The following SLC37A3 variants were observed in gnomAD, a reference collection of about 807,000 sequenced individuals.
SLC37A3 encodes sugar phosphate exchanger 3.
Under a neutral mutation model 67.1 loss-of-function variants are expected in SLC37A3, and 51 were observed. That is an observed-to-expected ratio of 0.76 (90% confidence interval 0.61 to 0.96). The LOEUF (loss-of-function observed/expected upper bound fraction) is 0.96. Among genes scored for constraint, SLC37A3 ranks in the 40% least tolerant of loss-of-function variants. The probability of loss-of-function intolerance (pLI) is 0.00; values close to 1 mark genes in which losing one functional copy is unlikely to be tolerated. For synonymous variants in SLC37A3, 214 were observed against 231.4 expected, an observed-to-expected ratio of 0.92 and a Z score of 0.68; for missense variants, 508 against 603.0, an observed-to-expected ratio of 0.84 and a Z score of 1.65.
At chr7:140,364,063 C>T (rs981058875) in intron 5 of SLC37A3, among the ~76,000 whole-genome samples, 1 of 152,140 alleles carries the variant, frequency 6.6e-6, no homozygotes. Flanking sequence ...TAAGACTGGC[C>T]AACATGGTGA....
At chr7:140,396,025 T>A (rs1216729591) in intron 1 of SLC37A3, among the ~76,000 whole-genome samples, 1 of 152,138 alleles carries the variant, frequency 6.6e-6, no homozygotes, top group Non-Finnish European at 1.5e-5. Flanking sequence ...TATCTTTTTT[T>A]TTTTTTCAGA....
chr7:140,382,839 G>GA lies in SLC37A3; in HGVS notation c.-70-244dup, dbSNP rs569246709. On this transcript the variant is annotated intron_variant, in intron 1 of 14. Coordinates refer to ENST00000326232, the MANE Select transcript of SLC37A3 (RefSeq NM_207113.3). Reference sequence around the variant, plus strand: ...AGAAAGAGCTCATACAAACTGATAAGAAAATCACTCATTCTTATAGAAAAA... The same window carrying GA: ...AGAAAGAGCTCATACAAACTGATAAGAAAAATCACTCATTCTTATAGAAAAA... Among the ~76,000 whole-genome samples, 370 of 149,390 alleles carry GA rather than the reference G, an allele frequency of 2.5e-3. 3 individuals are homozygous for GA. The highest frequency in any genetic ancestry group is 2.7e-3 in the Non-Finnish European group (183 of 67,526).
Position 140,335,379 on chromosome 7 carries a change from C to G in SLC37A3, c.*33G>C, listed in dbSNP as rs374923308. ...CGAAGCCCCAGCGGTCCTGATGTGG[C>G]TGACATTGTTCTTTCTGTCTCGCGG... On this transcript the variant is annotated 3_prime_UTR_variant, in exon 15 of 15. Transcript: ENST00000326232. 1 of 1,614,190 alleles carries G rather than the reference C, an allele frequency of 6.2e-7. No individual in the cohort carries two copies. Among genetic ancestry groups the G allele is most frequent in the Middle Eastern group, 1.6e-4 (1 of 6,062 alleles).
At chr7:140,336,677 G>A (rs1273909651) in intron 14 of SLC37A3, among the ~76,000 whole-genome samples, 1 of 152,166 alleles carries the variant, frequency 6.6e-6, no homozygotes. Context: ...GGGTAGCCTA[G>A]AAGAGTATAC....
chr7:140,362,906 G>C lies in SLC37A3; in HGVS notation c.375+1502C>G, dbSNP rs1370243721. 2.5e-4 allele frequency among the ~76,000 whole-genome samples: 16 copies of C among 63,990 alleles called. 5 individuals carry two copies. The highest frequency in any genetic ancestry group is 6.9e-5 in the Non-Finnish European group (2 of 29,148). The allele number at this position is 63,990 out of a possible 152,430, so 42.0% of individuals were successfully genotyped here. A position where few individuals can be genotyped will look rare whatever the true frequency, so the allele number is the denominator to read the frequency against. ...CGCCCCGTCCGGGAGGGAGGCGGGG[G>C]GGGGGGTCGGCCAGCCGCCCTGTCC... is the stretch of plus-strand genomic sequence containing the variant. On this transcript the variant is annotated intron_variant, in intron 5 of 14. Coordinates refer to ENST00000326232, the MANE Select transcript of SLC37A3 (RefSeq NM_207113.3).
chr7:140,356,203 A>AAC lies in SLC37A3; in HGVS notation c.522-440_522-439insGT, dbSNP rs1028472086. On this transcript the variant is annotated intron_variant, in intron 6 of 14. Transcript: ENST00000326232. ...AGCGAGACTCCACCTCCCAAAAAAAAAAAACAAAACAAAAAAATCCAGAAT... is the reference window on the plus strand; with the variant it reads ...AGCGAGACTCCACCTCCCAAAAAAAAACAAAACAAAACAAAAAAATCCAGAAT... Among the ~76,000 whole-genome samples the AAC allele has an allele frequency of 1.1e-4, 17 of 151,696 alleles. No homozygotes were observed. In the South Asian group the frequency reaches 2.3e-3, roughly 20 times the overall value.
At chr7:140,355,475 A>G (rs1454740623) in intron 7 of SLC37A3, among the ~76,000 whole-genome samples, 193 bp downstream of exon 7, 1 of 152,152 alleles carries the variant, frequency 6.6e-6, no homozygotes, top group Admixed American at 6.5e-5. Flanking sequence ...TGGCCTCCCA[A>G]AGTGCTGGGG....
chr7:140,352,897 G>A (rs1356443904), intron 7 of SLC37A3, among the ~76,000 whole-genome samples: 4 of 152,108 alleles, frequency 2.6e-5, no homozygotes, highest in Admixed American at 1.3e-4. Context: ...TTTTTAAACC[G>A]ATGAGTGACA....
chr7:140,355,203 C>CT (rs36028664), intron 7 of SLC37A3, among the ~76,000 whole-genome samples: 20,686 of 148,564 alleles, frequency 0.14, 1,769 homozygotes, highest in African/African-American at 0.23. Context: ...AGTTTGTCTA[C>CT]TTTTTTTTTT....
chr7:140,364,582 ATAT>A (rs1310427780), intron 4 of SLC37A3, 91 bp from the exon 5 acceptor site: 1 of 1,191,900 alleles, frequency 8.4e-7, no homozygotes, highest in Non-Finnish European at 1.2e-6. Flanking sequence ...ACAAACACAG[ATAT>A]TATTTAAAAT....
chr7:140,342,678 A>G (rs75846437), intron 13 of SLC37A3, among the ~76,000 whole-genome samples: 1 of 24,860 alleles, frequency 4.0e-5, no homozygotes, highest in East Asian at 8.3e-4. Context: ...GAATTTATGC[A>G]AAAAAAAAAA....
At chr7:140,341,069 G>A (rs1271489759) in intron 13 of SLC37A3, among the ~76,000 whole-genome samples, 2 of 152,104 alleles carry the variant, frequency 1.3e-5, no homozygotes, top group Non-Finnish European at 2.9e-5. Context: ...CTAAGTAGTT[G>A]GGACAGGCAC....
intron 13 of SLC37A3, 114 bp from the exon 14 acceptor site, chr7:140,337,463 G>A: frequency 1.1e-6 from 1 of 873,628 alleles, no homozygotes; most frequent in Middle Eastern, 3.7e-4. Flanking sequence ...AACAGGATTT[G>A]TATGTTTTGC....
intron 10 of SLC37A3, among the ~76,000 whole-genome samples, chr7:140,348,297 C>A (rs1042766037): frequency 6.6e-6 from 1 of 152,014 alleles, no homozygotes; most frequent in Non-Finnish European, 1.5e-5. Context: ...ACTGAGAAAG[C>A]CGTATGAAAG....
rs540039448 is a variant in SLC37A3 at position 140,360,555 on chromosome 7, G to A, written c.376-1770C>T. ...TCAAGACTAGCCTGGCCAACATGGT[G>A]AAACCCTGACTCTACTAAAAATACA... On this transcript the variant is annotated intron_variant, in intron 5 of 14. Transcript: ENST00000326232. Among the ~76,000 whole-genome samples, 96 of 151,928 alleles carry A rather than the reference G, an allele frequency of 6.3e-4. 1 individual carries two copies. The highest frequency in any genetic ancestry group is 2.1e-3 in the African/African-American group (88 of 41,428).
At chr7:140,343,280 G>C in intron 13 of SLC37A3, 132 bp downstream of exon 13, 1 of 1,248,392 alleles carries the variant, frequency 8.0e-7, no homozygotes, top group Non-Finnish European at 1.1e-6. Context: ...AGGGGAGACG[G>C]AAGTCCTTGG....
intron 1 of SLC37A3, among the ~76,000 whole-genome samples, chr7:140,385,936 T>C (rs76336693): frequency 2.0e-5 from 3 of 151,966 alleles, no homozygotes; most frequent in Admixed American, 6.6e-5. Context: ...GCGCCCGCCA[T>C]CATGCCTGGC....
chr7:140,377,480 A>AAT (rs1397541885), intron 3 of SLC37A3, among the ~76,000 whole-genome samples: 1 of 152,170 alleles, frequency 6.6e-6, no homozygotes, highest in Non-Finnish European at 1.5e-5. Context: ...GTTGTTCTCA[A>AAT]ATATAAGATC....
At chr7:140,347,769 A>C (rs1563012527) in intron 10 of SLC37A3, among the ~76,000 whole-genome samples, 6 of 151,974 alleles carry the variant, frequency 3.9e-5, no homozygotes, top group Admixed American at 6.6e-5. Flanking sequence ...AAAAAAAAAA[A>C]AAACCACTAT....
Sources: gnomAD v4.1 joint callset for allele counts (sites outside exome capture counted in the v4.1 genomes callset) on GRCh38, gnomAD v4.1.1 for gene constraint, MANE v1.5 for transcripts, NCBI Gene and HGNC (gene_info 2026-07-23, HGNC 2026-07-21) for gene names.